The following TDRKH variants were observed in gnomAD, a reference collection of about 807,000 sequenced individuals.
TDRKH encodes the protein tudor and KH domain-containing protein.
A neutral mutation model predicts 61.3 loss-of-function variants in TDRKH; 28 were observed. That is an observed-to-expected ratio of 0.46 (90% CI 0.34 to 0.63). TDRKH has a LOEUF of 0.63. Ranked by LOEUF, TDRKH falls within the 20% of genes least tolerant of loss-of-function variation. The probability of loss-of-function intolerance (pLI) is 0.01; values close to 1 mark genes in which losing one functional copy is unlikely to be tolerated. For synonymous variants in TDRKH, 219 were observed against 244.4 expected (o/e 0.90, Z 0.97); for missense variants, 540 against 683.4 (o/e 0.79, Z 2.34).
At chr1:151,774,986 G>T in intron 11 of TDRKH, 79 bp downstream of exon 11, 1 of 1,465,210 alleles carries the variant, frequency 6.8e-7, no homozygotes, top group Non-Finnish European at 9.5e-7. Context: ...AGCTAACACA[G>T]TATCAGGACT....
Position 151,778,879 on chromosome 1 carries a change from C to T in TDRKH, c.689G>A (p.Gly230Glu). The change falls in exon 6 of 13, where the codon GGA becomes GAA. Residue 230 changes from glycine (G) to glutamate (E), a missense_variant. Gly to Glu is a moderately conservative substitution (Grantham distance 98). This residue lies in a region of TDRKH where 379 missense variants were observed against 443.8 expected (regional missense o/e 0.85). Transcript: ENST00000368824. ...TTTCCATAATGCTGGCTCTCCAGCT[C>T]CACCTGGCTCTGTCATGTCTTCTCT... ...VRREDMTEPG[G>E]AGEPALWKNT... 1.2e-6 allele frequency: 2 copies of T among 1,614,170 alleles called. No individual in the cohort carries two copies. The highest frequency in any genetic ancestry group is 1.7e-6 in the Non-Finnish European group (2 of 1,180,042).
At chr1:151,767,415 C>T (rs544507519), downstream of TDRKH, 19 of 1,500,560 alleles carry the variant, frequency 1.3e-5, no homozygotes, top group East Asian at 9.2e-5. Context: ...AATCTTGGAA[C>T]GCATGTGTAA....
chr1:151,767,203 C>T (rs201902593), downstream of TDRKH: 22 of 1,613,920 alleles, frequency 1.4e-5, no homozygotes, highest in African/African-American at 8.0e-5. Flanking sequence ...ACTCCAGCCC[C>T]GTTCCTGCCT....
downstream of TDRKH, chr1:151,771,052 A>C (rs765638630): frequency 2.6e-6 from 4 of 1,548,584 alleles, no homozygotes; most frequent in Admixed American, 2.1e-5. Context: ...AGCATGTTCT[A>C]ATCATTTGTT....
intron 6 of TDRKH, among the ~76,000 whole-genome samples, chr1:151,777,644 T>G (rs1212849134): frequency 6.6e-6 from 1 of 152,088 alleles, no homozygotes; most frequent in Non-Finnish European, 1.5e-5. Flanking sequence ...CATAAGTGTA[T>G]TCATGAAAAA....
At chr1:151,772,339 G>A (rs545748903), downstream of TDRKH, among the ~76,000 whole-genome samples, 363 of 152,100 alleles carry the variant, frequency 2.4e-3, 3 homozygotes, top group African/African-American at 8.1e-3. Flanking sequence ...CAATCTGCCC[G>A]CCTCGGCCTC....
rs761780685 is a variant in TDRKH, at chr1:151,776,215, T to C, written c.1098A>G (p.Thr366=). 1 of 1,614,206 alleles carries C rather than the reference T, an allele frequency of 6.2e-7. No individual in the cohort carries two copies. Among genetic ancestry groups the C allele is most frequent in the Non-Finnish European group, 8.5e-7 (1 of 1,180,022 alleles). The change falls in exon 8 of 13, where the codon ACA becomes ACG. Residue 366 remains threonine, a synonymous_variant. Transcript: ENST00000368824. ...CCCGGGCTCGATACCAGGAACCATT[T>C]GTAGGTAAAGGTGCTGCTACAATGT... ...VGDIVAAPLP[T]NGSWYRARVL...
chr1:151,781,171 G>A (rs1288854082), intron 3 of TDRKH, among the ~76,000 whole-genome samples: 1 of 150,938 alleles, frequency 6.6e-6, no homozygotes, highest in Non-Finnish European at 1.5e-5. Context: ...CCAAAAATTC[G>A]CTGGGCGTGG....
downstream of TDRKH, chr1:151,766,907 A>G (rs763711975): frequency 2.3e-5 from 36 of 1,570,024 alleles, no homozygotes; most frequent in East Asian, 2.5e-4. Context: ...TTTCATCTCT[A>G]TTTGTAGTTG....
At chr1:151,790,102 T>C (rs1328506730) in intron 1 of TDRKH, among the ~76,000 whole-genome samples, 1 of 151,774 alleles carries the variant, frequency 6.6e-6, no homozygotes, top group Non-Finnish European at 1.5e-5. Context: ...AGTGGAAGAG[T>C]CTGAACTGAC....
chr1:151,771,499 C>T, downstream of TDRKH: 1 of 507,476 alleles, frequency 2.0e-6, no homozygotes, highest in Non-Finnish European at 3.1e-6. Flanking sequence ...CAAACTATTT[C>T]CCCATTTATT....
At chr1:151,767,246 G>A, downstream of TDRKH, 1 of 1,614,018 alleles carries the variant, frequency 6.2e-7, no homozygotes, top group Non-Finnish European at 8.5e-7. Context: ...AGGCCTCCAG[G>A]AGGGCAAAAG....
intron 2 of TDRKH, chr1:151,782,039 A>G (rs528758385): frequency 2.9e-5 from 13 of 449,892 alleles, no homozygotes; most frequent in Middle Eastern, 3.3e-4. Flanking sequence ...GAAAAGGAAT[A>G]TATAAAAAAG....
intron 2 of TDRKH, 106 bp from the exon 3 acceptor site, chr1:151,781,693 G>A (rs1050406992): frequency 2.2e-6 from 2 of 914,360 alleles, no homozygotes; most frequent in African/African-American, 3.3e-5. Context: ...TGATCCAAGA[G>A]ATAAAGTGAG....
At chr1:151,784,422 C>G (rs190421042) in intron 1 of TDRKH, among the ~76,000 whole-genome samples, 1 of 152,336 alleles carries the variant, frequency 6.6e-6, no homozygotes. Flanking sequence ...TATCTGTCCT[C>G]AAGTTCTCTT....
At chr1:151,782,450 GA>G (rs397819179) in intron 2 of TDRKH, among the ~76,000 whole-genome samples, 2 of 147,734 alleles carry the variant, frequency 1.4e-5, no homozygotes, top group Admixed American at 6.7e-5. Context: ...CTGTCTCAAA[GA>G]AAAAAAAAAG....
At chr1:151,777,568 AT>A (rs1649306414) in intron 6 of TDRKH, among the ~76,000 whole-genome samples, 1 of 152,122 alleles carries the variant, frequency 6.6e-6, no homozygotes. Flanking sequence ...ATTTAGAAAA[AT>A]ATTTATGTTT....
chr1:151,784,601 T>TAA (rs895738765), intron 1 of TDRKH, among the ~76,000 whole-genome samples: 10 of 152,316 alleles, frequency 6.6e-5, no homozygotes, highest in African/African-American at 2.2e-4. Flanking sequence ...CTCCTGGTTT[T>TAA]CCTCTTTCCT....
At chr1:151,767,458 C>G, downstream of TDRKH, 1 of 1,374,748 alleles carries the variant, frequency 7.3e-7, no homozygotes, top group Non-Finnish European at 9.5e-7. Context: ...GCATTCTGGC[C>G]CACAGACTGT....
Sources: allele counts gnomAD v4.1 joint callset (sites outside exome capture counted in the v4.1 genomes callset), GRCh38; gene constraint gnomAD v4.1.1; regional missense constraint gnomAD v4.1.1; transcripts MANE v1.5; gene names NCBI Gene and HGNC (gene_info 2026-07-23, HGNC 2026-07-21).